Variants in SPATA45 observed in about 807,000 individuals in gnomAD.
SPATA45 encodes spermatogenesis associated 45.
SPATA45 carries 5 observed loss-of-function variants against 7.0 expected under a neutral mutation model. The ratio of observed to expected loss-of-function variants is 0.71; its 90% CI spans 0.37 to 1.50. SPATA45 has a LOEUF of 1.50. Among genes scored for constraint, SPATA45 ranks in the 40% most tolerant of loss-of-function variants. The pLI, the probability that SPATA45 is intolerant of heterozygous loss-of-function variation, is 0.03. For synonymous variants in SPATA45, 40 were observed against 38.7 expected (o/e 1.03, Z -0.13); for missense variants, 111 against 114.9 (o/e 0.97, Z 0.16).
intron 2 of SPATA45, among the ~76,000 whole-genome samples, chr1:212,834,655 T>C (rs1455375526): frequency 6.6e-6 from 1 of 151,558 alleles, no homozygotes; most frequent in Non-Finnish European, 1.5e-5. Context: ...TTCACCATGT[T>C]GGCCAGGCTG....
intron 2 of SPATA45, among the ~76,000 whole-genome samples, chr1:212,834,715 T>G (rs1663558524): frequency 1.3e-5 from 2 of 151,698 alleles, no homozygotes; most frequent in Admixed American, 1.3e-4. Flanking sequence ...CCACCCAAAG[T>G]GCTGGGACTG....
chr1:212,843,100 T>TAC (rs367648433), intron 1 of SPATA45, among the ~76,000 whole-genome samples: 31,594 of 121,626 alleles, frequency 0.26, 4,436 homozygotes, highest in East Asian at 0.49. Context: ...CCGTCAAACA[T>TAC]ACACACACAC....
At chr1:212,843,150 C>T (rs1198123738) in intron 1 of SPATA45, among the ~76,000 whole-genome samples, 14 of 142,684 alleles carry the variant, frequency 9.8e-5, no homozygotes, top group Admixed American at 7.7e-4. Context: ...CTTAGCTGGG[C>T]GCGGTGGCAC....
chr1:212,842,653 C>T lies in SPATA45; in HGVS notation c.-39+4927G>A, dbSNP rs527248329. ...GTTTAAGTTACTTACCTTCTCTGGG[C>T]CTCAGTTTCCTGATGTGTTAAATGA... On this transcript the variant is annotated intron_variant, in intron 1 of 2. Transcript: ENST00000332912. 2.6e-5 allele frequency among the ~76,000 whole-genome samples: 4 copies of T among 152,230 alleles called. No homozygotes were observed. In the East Asian group the frequency reaches 7.7e-4, roughly 29 times the overall value.
chr1:212,837,531 C>G (rs1003315406), intron 1 of SPATA45, among the ~76,000 whole-genome samples: 1 of 151,450 alleles, frequency 6.6e-6, no homozygotes, highest in Admixed American at 6.6e-5. Context: ...TACTCAGGAG[C>G]CTGAGGCATG....
intron 1 of SPATA45, among the ~76,000 whole-genome samples, chr1:212,841,151 T>C (rs753752889): frequency 2.7e-5 from 4 of 149,194 alleles, no homozygotes; most frequent in Non-Finnish European, 4.5e-5. Flanking sequence ...GGAGACACCA[T>C]CTTTCCTTTT....
At position 212,835,942 on chromosome 1, in the gene SPATA45, T is replaced by A. The variant is rs766966116; in HGVS notation, c.208A>T (p.Ser70Cys). 1 of 1,610,702 alleles carries A rather than the reference T, an allele frequency of 6.2e-7. No individual in the cohort carries two copies. The highest frequency in any genetic ancestry group is 8.5e-7 in the Non-Finnish European group (1 of 1,177,336). Residue 70 changes from serine to cysteine, a missense_variant, in exon 2 of 3, where the codon AGT (serine) becomes TGT (cysteine). Physicochemically the swap from Ser to Cys is moderately radical, Grantham distance 112. Transcript: ENST00000332912. Reference sequence around the variant, plus strand: ...AGCTTGATCCAGGAGCTCCTGCCACTGTTGGGAACAGGCTCTTTGGTTGTG... The same window carrying A: ...AGCTTGATCCAGGAGCTCCTGCCACAGTTGGGAACAGGCTCTTTGGTTGTG... The part of the protein sequence containing the change: ...DTTTKEPVPN[S>C]GRSSWIKLSL...
intron 2 of SPATA45, among the ~76,000 whole-genome samples, chr1:212,834,019 G>A (rs999961674): frequency 6.6e-6 from 1 of 151,654 alleles, no homozygotes; most frequent in African/African-American, 2.4e-5. Flanking sequence ...AAAATGCTAG[G>A]ATTATAGGCA....
chr1:212,838,637 G>T (rs1038730494), intron 1 of SPATA45, among the ~76,000 whole-genome samples: 1 of 151,730 alleles, frequency 6.6e-6, no homozygotes, highest in Admixed American at 6.6e-5. Context: ...ACTAACACAT[G>T]AATGTTAATC....
chr1:212,843,096 A>T (rs868082781), intron 1 of SPATA45, among the ~76,000 whole-genome samples: 1 of 56,728 alleles, frequency 1.8e-5, no homozygotes, highest in African/African-American at 5.0e-5. Flanking sequence ...GACTCCGTCA[A>T]ACATACACAC....
intron 1 of SPATA45, among the ~76,000 whole-genome samples, chr1:212,837,434 C>T (rs1188096504): frequency 6.7e-6 from 1 of 150,182 alleles, no homozygotes; most frequent in East Asian, 2.0e-4. Context: ...GAGTTCAAGA[C>T]CAGCCTGGCC....
At chr1:212,844,704 A>G (rs1033555145) in intron 1 of SPATA45, among the ~76,000 whole-genome samples, 1 of 152,168 alleles carries the variant, frequency 6.6e-6, no homozygotes, top group Non-Finnish European at 1.5e-5. Context: ...ATGCATCAAT[A>G]TTTATACTGA....
chr1:212,837,677 C>T (rs1267829775), intron 1 of SPATA45, among the ~76,000 whole-genome samples: 1 of 151,756 alleles, frequency 6.6e-6, no homozygotes, highest in Non-Finnish European at 1.5e-5. Flanking sequence ...TGGCTCACGC[C>T]TATAATCCCA....
At chr1:212,843,201 A>C (rs1663724112) in intron 1 of SPATA45, among the ~76,000 whole-genome samples, 1 of 151,844 alleles carries the variant, frequency 6.6e-6, no homozygotes, top group Non-Finnish European at 1.5e-5. Flanking sequence ...GAGGCAGGAG[A>C]ATTGCTTGAA....
intron 2 of SPATA45, among the ~76,000 whole-genome samples, chr1:212,831,391 C>G (rs1315026584): frequency 6.7e-6 from 1 of 149,684 alleles, no homozygotes; most frequent in Non-Finnish European, 1.5e-5. Context: ...GAGGATCGCT[C>G]GAGCCCAGGA....
chr1:212,835,485 T>C (rs2102509098), intron 2 of SPATA45, among the ~76,000 whole-genome samples: 1 of 151,464 alleles, frequency 6.6e-6, no homozygotes, highest in South Asian at 2.1e-4. Context: ...ATCGTGCCAT[T>C]GCACTCCAGC....
At chr1:212,841,836 C>T (rs1423514049) in intron 1 of SPATA45, among the ~76,000 whole-genome samples, 3 of 152,080 alleles carry the variant, frequency 2.0e-5, no homozygotes, top group Non-Finnish European at 4.4e-5. Flanking sequence ...TGGCTCACTA[C>T]AGCCTCTGCC....
rs773326361 is a variant in SPATA45 at position 212,830,221 on chromosome 1, G to A, written c.*21C>T. On this transcript the variant is annotated 3_prime_UTR_variant, in exon 3 of 3. Coordinates refer to ENST00000332912, the MANE Select transcript of SPATA45 (RefSeq NM_001024601.3). ...GAAGAATCAAAGAGAATGTATTTCCGTGTGTCTCTGGAGATGCACTTTATC... is the reference window on the plus strand; with the variant it reads ...GAAGAATCAAAGAGAATGTATTTCCATGTGTCTCTGGAGATGCACTTTATC... The A allele has an allele frequency of 4.5e-5, 68 of 1,504,542 alleles. 3 individuals are homozygous for A. The highest frequency in any genetic ancestry group is 5.6e-5 in the Non-Finnish European group (61 of 1,093,220). The allele number at this position is 1,504,542 out of a possible 1,614,324, so 93.2% of individuals were successfully genotyped here.
intron 1 of SPATA45, among the ~76,000 whole-genome samples, chr1:212,838,386 C>T (rs186276960): frequency 1.5e-4 from 23 of 150,902 alleles, no homozygotes; most frequent in Admixed American, 1.5e-3. Context: ...CACTACATAC[C>T]ACTAGAATGG....
Sources: gnomAD v4.1 joint callset for allele counts (sites outside exome capture counted in the v4.1 genomes callset) on GRCh38, gnomAD v4.1.1 for gene constraint, MANE v1.5 for transcripts, NCBI Gene and HGNC (gene_info 2026-07-23, HGNC 2026-07-21) for gene names.